The following DRC9 variants were observed in gnomAD, a reference collection of about 807,000 sequenced individuals.
DRC9 encodes the protein dynein regulatory complex subunit 9, also known as dynein regulatory complex protein 9.
chr3:197,900,265 G>A, the DRC9 span, among the ~76,000 whole-genome samples: 1 of 152,234 alleles, frequency 6.6e-6, no homozygotes, highest in African/African-American at 2.4e-5. The surrounding 1 kb of genome is among the most constrained non-coding windows in gnomAD (Gnocchi z 4.7). Context: ...TGGGGGACTT[G>A]GACCTAGTGA....
chr3:197,950,807 T>C, the DRC9 span: 4 of 756,936 alleles, frequency 5.3e-6, no homozygotes, highest in East Asian at 2.6e-5. Flanking sequence ...TGTTCTGGCA[T>C]TGTTGTCCCC....
the DRC9 span, among the ~76,000 whole-genome samples, chr3:197,904,297 C>T: frequency 0.091 from 13,878 of 151,736 alleles, 707 homozygotes; most frequent in South Asian, 0.11. Flanking sequence ...ATAATGAATG[C>T]TAGCAAGGCT....
At chr3:197,955,814 T>C in the DRC9 span, 2 of 1,527,620 alleles carry the variant, frequency 1.3e-6, no homozygotes, top group Admixed American at 3.3e-5. Context: ...TTTGTGCTCT[T>C]GTATTTTTAA....
chr3:197,906,582 C>T, the DRC9 span: 2 of 152,244 alleles, frequency 1.3e-5, no homozygotes, highest in South Asian at 4.1e-4. Context: ...TTTGGGTCCC[C>T]GTGCATGAAC....
At chr3:197,918,848 G>T in the DRC9 span, among the ~76,000 whole-genome samples, 2 of 152,076 alleles carry the variant, frequency 1.3e-5, no homozygotes, top group African/African-American at 4.8e-5. Flanking sequence ...TGCTCTTGTC[G>T]TCCAGGCTGG....
At chr3:197,904,503 T>C in the DRC9 span, among the ~76,000 whole-genome samples, 1 of 152,182 alleles carries the variant, frequency 6.6e-6, no homozygotes, top group South Asian at 2.1e-4. Context: ...CCTATGTTTA[T>C]TGCAGCACTG....
At chr3:197,922,296 G>A in the DRC9 span, among the ~76,000 whole-genome samples, 3 of 152,166 alleles carry the variant, frequency 2.0e-5, no homozygotes, top group African/African-American at 4.8e-5. Flanking sequence ...TTGCTGTTAG[G>A]AAAATTCTAC....
At chr3:197,956,368 C>T in the DRC9 span, 2 of 154,998 alleles carry the variant, frequency 1.3e-5, no homozygotes, top group African/African-American at 4.8e-5. Context: ...ATGAGAAGCT[C>T]TTGGGACTTG....
the DRC9 span, among the ~76,000 whole-genome samples, chr3:197,921,572 G>C: frequency 6.6e-6 from 1 of 152,036 alleles, no homozygotes; most frequent in East Asian, 1.9e-4. Flanking sequence ...TGGTCGACCC[G>C]ACTACTAGTT....
chr3:197,931,575 C>T, the DRC9 span, among the ~76,000 whole-genome samples: 2 of 151,962 alleles, frequency 1.3e-5, no homozygotes, highest in Non-Finnish European at 2.9e-5. Flanking sequence ...CCTTGGCATT[C>T]ATTTGTTATT....
At chr3:197,941,368 T>TCTCCCA in the DRC9 span, among the ~76,000 whole-genome samples, 1 of 66,836 alleles carries the variant, frequency 1.5e-5, no homozygotes, top group Non-Finnish European at 2.6e-5. Flanking sequence ...CCTTCCTTCC[T>TCTCCCA]TCCTCCCTCT....
chr3:197,913,647 C>T, the DRC9 span: 1 of 603,314 alleles, frequency 1.7e-6, no homozygotes, highest in East Asian at 2.8e-5. Context: ...GAAAGTGCAG[C>T]CAATTTTCAA....
the DRC9 span, chr3:197,953,833 C>T: frequency 2.9e-6 from 2 of 691,832 alleles, no homozygotes. Context: ...GCCTGGCATA[C>T]AATAGTTACT....
the DRC9 span, among the ~76,000 whole-genome samples, chr3:197,951,859 G>A: frequency 6.6e-6 from 1 of 151,868 alleles, no homozygotes. Context: ...CACCACGCCC[G>A]GCTAATTTTT....
the DRC9 span, chr3:197,956,201 C>G: frequency 5.1e-6 from 1 of 195,670 alleles, no homozygotes; most frequent in Non-Finnish European, 9.3e-6. Flanking sequence ...AATCCTCCTT[C>G]CTTGGCCTCT....
At chr3:197,903,979 CAT>C in the DRC9 span, among the ~76,000 whole-genome samples, 24,108 of 142,446 alleles carry the variant, frequency 0.17, 3,446 homozygotes, top group African/African-American at 0.39. Context: ...TACATACATA[CAT>C]ACACACACAC....
chr3:197,913,357 C>CGTGCGTGCGTGCGTGTGTGCGTGCGTGT, the DRC9 span: 2 of 224,054 alleles, frequency 8.9e-6, no homozygotes, highest in African/African-American at 2.4e-5. Flanking sequence ...TGTGTGCGTG[C>CGTGCGTGCGTGCGTGTGTGCGTGCGTGT]GTGCGTGTGT....
chr3:197,931,127 G>A, the DRC9 span, among the ~76,000 whole-genome samples: 1 of 151,960 alleles, frequency 6.6e-6, no homozygotes, highest in African/African-American at 2.4e-5. Context: ...CAATGCAGAT[G>A]GTAAATGAGC....
chr3:197,932,976 ATTG>A, the DRC9 span, among the ~76,000 whole-genome samples: 2 of 140,242 alleles, frequency 1.4e-5, no homozygotes, highest in South Asian at 2.1e-4. Context: ...ATTATATTAT[ATTG>A]TATTATATAT....
Sources: allele counts gnomAD v4.1 joint callset (sites outside exome capture counted in the v4.1 genomes callset), GRCh38; gene constraint gnomAD v4.1.1; non-coding constraint Gnocchi (gnomAD v3.1); transcripts MANE v1.5; gene names NCBI Gene and HGNC (gene_info 2026-07-23, HGNC 2026-07-21).